Variants in PNPLA8 observed in about 807,000 individuals in gnomAD.
PNPLA8 encodes the protein patatin like domain 8, phospholipase A2, also known as calcium-independent phospholipase A2-gamma.
In PNPLA8, 39 loss-of-function variants were observed where a neutral mutation model predicts 76.9. The observed-to-expected ratio is 0.51, with a 90% CI of 0.39 to 0.66. PNPLA8 has a LOEUF of 0.66. PNPLA8 is among the 30% of genes least tolerant of loss of function. The pLI, the probability that PNPLA8 is intolerant of heterozygous loss-of-function variation, is 0.00. For missense variants in PNPLA8, 887 were observed against 918.0 expected, an observed-to-expected ratio of 0.97 and a Z score of 0.44; for synonymous variants, 301 against 307.9, an observed-to-expected ratio of 0.98 and a Z score of 0.24.
intron 10 of PNPLA8, among the ~76,000 whole-genome samples, 179 bp downstream of exon 10, chr7:108,479,005 G>C (rs1377138249): frequency 6.6e-6 from 1 of 152,176 alleles, no homozygotes; most frequent in South Asian, 2.1e-4. Flanking sequence ...CTCTGTTCTA[G>C]AGTCACCTAA....
chr7:108,510,586 T>C (rs182340376), intron 4 of PNPLA8: 12 of 1,519,448 alleles, frequency 7.9e-6, no homozygotes, highest in Non-Finnish European at 1.1e-5. Flanking sequence ...AAATCTACAA[T>C]GGAACCTTTG....
chr7:108,500,289 C>T (rs1490261180), intron 5 of PNPLA8, among the ~76,000 whole-genome samples: 1 of 152,128 alleles, frequency 6.6e-6, no homozygotes, highest in Admixed American at 6.5e-5. Context: ...TATTTTTCAC[C>T]ATTTGGAACC....
intron 4 of PNPLA8, chr7:108,511,020 C>T (rs1171608458): frequency 4.9e-6 from 4 of 824,568 alleles, no homozygotes; most frequent in South Asian, 3.2e-5. Flanking sequence ...GGTTAATAAA[C>T]AGTACCTGCT....
At chr7:108,500,561 TTTACTG>T (rs1248594508) in intron 5 of PNPLA8, among the ~76,000 whole-genome samples, 3 of 152,142 alleles carry the variant, frequency 2.0e-5, no homozygotes, top group Non-Finnish European at 4.4e-5. Flanking sequence ...CACACACAGG[TTTACTG>T]TTAGAGTGAT....
intron 8 of PNPLA8, among the ~76,000 whole-genome samples, chr7:108,490,437 T>C (rs1175986499): frequency 6.6e-6 from 1 of 152,200 alleles, no homozygotes. Flanking sequence ...TATCATTAAG[T>C]GATGCATGAT....
intron 6 of PNPLA8, among the ~76,000 whole-genome samples, 176 bp downstream of exon 6, chr7:108,497,307 C>T (rs1279201950): frequency 2.6e-5 from 4 of 152,150 alleles, no homozygotes; most frequent in Non-Finnish European, 5.9e-5. Flanking sequence ...CACACTGCCA[C>T]CTAGTGTGCC....
chr7:108,478,258 T>A (rs998369379), intron 10 of PNPLA8, among the ~76,000 whole-genome samples: 1 of 152,114 alleles, frequency 6.6e-6, no homozygotes, highest in Non-Finnish European at 1.5e-5. Flanking sequence ...GTACAGCAAC[T>A]GCAGAGGCCC....
At chr7:108,502,855 C>A in intron 4 of PNPLA8, 1 of 355,110 alleles carries the variant, frequency 2.8e-6, no homozygotes, top group South Asian at 1.2e-4. Flanking sequence ...CAAAAATTAA[C>A]CAATATTCAA....
At chr7:108,477,427 G>C (rs1479538685) in intron 10 of PNPLA8, among the ~76,000 whole-genome samples, 1 of 152,156 alleles carries the variant, frequency 6.6e-6, no homozygotes, top group Non-Finnish European at 1.5e-5. Flanking sequence ...TCTCACTTAT[G>C]TTAATGACTT....
intron 10 of PNPLA8, among the ~76,000 whole-genome samples, chr7:108,478,845 A>G (rs749376741): frequency 6.6e-6 from 1 of 152,200 alleles, no homozygotes; most frequent in African/African-American, 2.4e-5. Flanking sequence ...GCTATCATGT[A>G]TATGTTTGAA....
At chr7:108,498,868 G>C (rs1480797782) in intron 5 of PNPLA8, among the ~76,000 whole-genome samples, 2 of 152,188 alleles carry the variant, frequency 1.3e-5, no homozygotes, top group Non-Finnish European at 2.9e-5. Flanking sequence ...CCAACACAAG[G>C]TAGGGGGTAG....
At chr7:108,508,807 G>T (rs536066991) in intron 4 of PNPLA8, among the ~76,000 whole-genome samples, 86 of 151,268 alleles carry the variant, frequency 5.7e-4, no homozygotes, top group African/African-American at 2.1e-3. Context: ...AAAACAGCAT[G>T]GTACTGGTAC....
intron 4 of PNPLA8, among the ~76,000 whole-genome samples, chr7:108,512,365 C>G (rs1862995743): frequency 6.6e-6 from 1 of 152,046 alleles, no homozygotes; most frequent in African/African-American, 2.4e-5. Context: ...TGCCTTCTTT[C>G]TAAACAGTCA....
Position 108,479,297 on chromosome 7 carries a change from C to T in PNPLA8, c.1961G>A (p.Cys654Tyr), listed in dbSNP as rs1860223790. Residue 654 changes from cysteine to tyrosine, a missense_variant, in exon 10 of 11, where the codon TGC becomes TAC. By Grantham distance (194) the Cys-to-Tyr change is radical. Transcript: ENST00000257694. ...ACGTCCAGTGCCCAGGGATACTATG[C>T]ACTCTAACGGCACATCTGGCCAAAG... ...KCLWPDVPLE[C>Y]IVSLGTGRYE... is the part of the protein sequence containing the mutation. The T allele has an allele frequency of 6.2e-7, 1 of 1,612,344 alleles. No individual in the cohort carries two copies. Among genetic ancestry groups the T allele is most frequent in the Non-Finnish European group, 8.5e-7 (1 of 1,178,370 alleles).
At chr7:108,500,763 G>C (rs1343817559) in intron 5 of PNPLA8, among the ~76,000 whole-genome samples, 1 of 152,112 alleles carries the variant, frequency 6.6e-6, no homozygotes, top group Non-Finnish European at 1.5e-5. Flanking sequence ...TACAAAAGTA[G>C]CTGGGTGTGG....
chr7:108,495,719 A>G (rs1861498009), intron 7 of PNPLA8, among the ~76,000 whole-genome samples: 1 of 152,190 alleles, frequency 6.6e-6, no homozygotes, highest in Non-Finnish European at 1.5e-5. Flanking sequence ...ATAATCCCAA[A>G]AAATTAGGAA....
intron 7 of PNPLA8, among the ~76,000 whole-genome samples, chr7:108,494,327 A>T (rs982136558): frequency 6.6e-5 from 10 of 152,190 alleles, no homozygotes; most frequent in Non-Finnish European, 1.5e-5. Flanking sequence ...CAGTAAGCAC[A>T]GTACCCAACA....
chr7:108,506,060 C>T (rs1399955951), intron 4 of PNPLA8, among the ~76,000 whole-genome samples: 1 of 152,078 alleles, frequency 6.6e-6, no homozygotes, highest in Admixed American at 6.6e-5. Context: ...TCACTTAACA[C>T]CCAACAAAAC....
chr7:108,521,578 C>T (rs1240398291), intron 1 of PNPLA8, 57 bp from the exon 2 acceptor site: 3 of 266,392 alleles, frequency 1.1e-5, no homozygotes, highest in Admixed American at 1.3e-4. Context: ...CTGAGAAGTG[C>T]CATGAATTAA....
Sources: gnomAD v4.1 joint callset for allele counts (sites outside exome capture counted in the v4.1 genomes callset) on GRCh38, gnomAD v4.1.1 for gene constraint, MANE v1.5 for transcripts, NCBI Gene and HGNC (gene_info 2026-07-23, HGNC 2026-07-21) for gene names.